MORC2: variants seen among roughly 807,000 people sequenced by gnomAD.
MORC2 encodes the protein MORC family CW-type zinc finger 2.
A neutral mutation model predicts 136.0 loss-of-function variants in MORC2; 30 were observed. That is an observed-to-expected ratio of 0.22 (90% confidence interval 0.17 to 0.30). The LOEUF is 0.30. MORC2 is among the 10% of genes least tolerant of loss of function. MORC2 has a pLI of 1.00. For synonymous variants in MORC2, 439 were observed against 487.0 expected (o/e 0.90, Z 1.30); for missense variants, 922 against 1,333.1 (o/e 0.69, Z 4.80).
chr22:30,944,461 C>G (rs1046764663), intron 6 of MORC2, among the ~76,000 whole-genome samples: 1 of 152,022 alleles, frequency 6.6e-6, no homozygotes, highest in East Asian at 1.9e-4. Context: ...GTCCCTCTGG[C>G]CCCCTTCTCC....
At position 30,937,736 on chromosome 22, in the gene MORC2, A is replaced by G. The variant is rs1312346663; in HGVS notation, c.1370-25T>C. ...GCTGGAAAGCAAACACCGATACATC[A>G]TGTTAGGAGCCAGCCTCTCTCTCTC... is the stretch of plus-strand genomic sequence containing the variant. On this transcript the variant is annotated intron_variant, in intron 14 of 25. Transcript: ENST00000397641. The surrounding 1 kb of genome is among the most constrained non-coding windows in gnomAD (Gnocchi z 4.7). 6 of 1,613,944 alleles carry G rather than the reference A, an allele frequency of 3.7e-6. No homozygotes were observed. Among genetic ancestry groups the G allele is most frequent in the Admixed American group, 3.3e-5 (2 of 59,994 alleles).
At chr22:30,927,009 T>C (rs781510532) in intron 25 of MORC2, 138 bp from the exon 26 acceptor site, 27 of 647,086 alleles carry the variant, frequency 4.2e-5, no homozygotes, top group Non-Finnish European at 7.4e-5. Flanking sequence ...ATGTCAGGCT[T>C]CTGTCCTGTC....
intron 4 of MORC2, 38 bp downstream of exon 4, chr22:30,950,339 A>AACACC: frequency 1.9e-6 from 1 of 539,974 alleles, no homozygotes. Flanking sequence ...GTTACATCGC[A>AACACC]CCCCCCCACC....
chr22:30,964,287 G>T (rs574053206), intron 1 of MORC2, among the ~76,000 whole-genome samples: 1 of 152,120 alleles, frequency 6.6e-6, no homozygotes, highest in Non-Finnish European at 1.5e-5. Flanking sequence ...AACCTGGGAG[G>T]TGGAGGTTGC....
chr22:30,927,796 C>CG (rs1363257561), intron 25 of MORC2, among the ~76,000 whole-genome samples: 5 of 152,180 alleles, frequency 3.3e-5, no homozygotes, highest in African/African-American at 1.2e-4. Context: ...GGTTGTACGT[C>CG]GGAATGTCTA....
intron 9 of MORC2, 66 bp from the exon 10 acceptor site, chr22:30,940,903 AG>A (rs2040734036): frequency 7.4e-7 from 1 of 1,343,966 alleles, no homozygotes; most frequent in Non-Finnish European, 1.1e-6. Flanking sequence ...ACCCAAGCAC[AG>A]GAAGCACCCT....
In MORC2 at chr22:30,967,500, T is replaced by C. The variant is rs1602521712; in HGVS notation, c.68+322A>G. ...GGTTGATACTAAAATAGTCCAACATTTGGCGATCCAATAGAGCAGTATTTG... is the reference window on the plus strand; with the variant it reads ...GGTTGATACTAAAATAGTCCAACATCTGGCGATCCAATAGAGCAGTATTTG... On this transcript the variant is annotated intron_variant, in intron 1 of 25. Coordinates refer to ENST00000397641, the MANE Select transcript of MORC2 (RefSeq NM_001303256.3). 4.5e-6 allele frequency: 5 copies of C among 1,102,760 alleles called. No individual in the cohort carries two copies. The East Asian group carries it at 2.1e-4, about 47-fold the overall frequency. 68.3% of individuals were successfully genotyped at this position (1,102,760 alleles called of 1,614,324 possible). A position where few individuals can be genotyped will look rare whatever the true frequency, so the allele number is the denominator to read the frequency against.
chr22:30,940,142 A>C, intron 10 of MORC2, 101 bp from the exon 11 acceptor site: 2 of 1,168,356 alleles, frequency 1.7e-6, no homozygotes, highest in Non-Finnish European at 2.5e-6. Flanking sequence ...GTACACCACC[A>C]AGGAAAAAAA....
chr22:30,953,490 G>C (rs2040921751), intron 3 of MORC2, among the ~76,000 whole-genome samples: 1 of 152,190 alleles, frequency 6.6e-6, no homozygotes, highest in African/African-American at 2.4e-5. Context: ...GAAAAGACAA[G>C]AGATGTCAAA....
chr22:30,953,113 C>T (rs1248716522), intron 3 of MORC2, among the ~76,000 whole-genome samples: 1 of 152,192 alleles, frequency 6.6e-6, no homozygotes, highest in African/African-American at 2.4e-5. Flanking sequence ...TCGAAGGCGT[C>T]CCTGCTCAAA....
intron 6 of MORC2, among the ~76,000 whole-genome samples, chr22:30,943,912 C>T (rs1042784811): frequency 1.3e-5 from 2 of 152,016 alleles, no homozygotes; most frequent in African/African-American, 4.8e-5. Flanking sequence ...TGGGACTAGG[C>T]GTACACTGCC....
At chr22:30,931,787 C>T (rs544223651) in intron 24 of MORC2, among the ~76,000 whole-genome samples, 8 of 152,380 alleles carry the variant, frequency 5.3e-5, no homozygotes, top group Admixed American at 1.3e-4. Flanking sequence ...TCCAGCTACC[C>T]GGTAACAACT....
intron 20 of MORC2, 25 bp from the exon 21 acceptor site, chr22:30,933,545 G>T (rs747446461): frequency 1.2e-6 from 2 of 1,612,216 alleles, no homozygotes; most frequent in Admixed American, 1.7e-5. Context: ...GTCTATTAGA[G>T]GCATCCCCAG....
intron 1 of MORC2, chr22:30,967,268 A>C: frequency 3.0e-6 from 3 of 986,524 alleles, no homozygotes; most frequent in Non-Finnish European, 3.6e-6. Flanking sequence ...ATCTAAATAG[A>C]GATATAAACA....
In MORC2 at chr22:30,932,393, G is replaced by A. The variant is rs2040588360; in HGVS notation, c.2807C>T (p.Ala936Val). ...AGATATTAGCTCATCTGAATTCATA[G>A]CACTCAGCTGCTTCTTGGAGATGGG... is the stretch of plus-strand genomic sequence containing the variant. ...SFPISKKQLSAMNSDELISFP... is the reference protein window; with the variant it reads ...SFPISKKQLSVMNSDELISFP... Residue 936 changes from alanine (A) to valine (V), a missense_variant, in exon 24 of 26, where the codon GCT (alanine) becomes GTT (valine). By Grantham distance (64) the Ala-to-Val change is moderately conservative. Transcript: ENST00000397641. The surrounding 1 kb of genome is among the most constrained non-coding windows in gnomAD (Gnocchi z 4.4). 2 of 1,614,100 alleles carry A rather than the reference G, an allele frequency of 1.2e-6. No individual in the cohort carries two copies. Among genetic ancestry groups the A allele is most frequent in the African/African-American group, 2.7e-5 (2 of 75,038 alleles).
intron 2 of MORC2, among the ~76,000 whole-genome samples, chr22:30,958,324 C>T (rs922571458): frequency 7.9e-5 from 12 of 152,166 alleles, no homozygotes; most frequent in Non-Finnish European, 1.5e-5. Context: ...AATATGATTC[C>T]TAAGTGTCTA....
At position 30,934,789 on chromosome 22, in the gene MORC2, G is replaced by A; in HGVS notation, c.2185C>T (p.Leu729Phe). ...VVKKTESPIK[L>F]SPATPSRKRS... Reference sequence around the variant, plus strand: ...GAGGACAAGCGTCTCACCGGGGAGAGTTTGATGGGTGACTCTGTCTTCTTC... The same window carrying A: ...GAGGACAAGCGTCTCACCGGGGAGAATTTGATGGGTGACTCTGTCTTCTTC... The change falls in exon 19 of 26, where the codon CTC (leucine) becomes TTC (phenylalanine). Residue 729 changes from leucine (L) to phenylalanine (F), a missense_variant. Physicochemically the swap from Leu to Phe is conservative, Grantham distance 22. Around this residue, in one of 9 missense-constraint regions of MORC2, gnomAD observed 184 missense variants for 180.3 expected, o/e 1.02. Transcript: ENST00000397641. This position sits in a 1 kb window ranked among gnomAD's most constrained non-coding sequence, Gnocchi z 4.4. The A allele has an allele frequency of 1.2e-6, 2 of 1,614,100 alleles. No homozygotes were observed. Among genetic ancestry groups the A allele is most frequent in the Non-Finnish European group, 1.7e-6 (2 of 1,179,954 alleles).
Position 30,967,970 on chromosome 22 carries a change from TC to T in MORC2, c.-82del. 1 of 1,270,492 alleles carries T rather than the reference TC, an allele frequency of 7.9e-7. No individual in the cohort carries two copies. The highest frequency in any genetic ancestry group is 1.1e-6 in the Non-Finnish European group (1 of 893,068). The allele number at this position is 1,270,492 out of a possible 1,614,324, so 78.7% of individuals were successfully genotyped here. On this transcript the variant is annotated 5_prime_UTR_variant, in exon 1 of 26. Coordinates refer to ENST00000397641, the MANE Select transcript of MORC2 (RefSeq NM_001303256.3). ...ATGATATCGATTTCCCAGGATTCTGTCCAGTAAAGCTTCAGTAAGTCTGTGC... is the reference window on the plus strand; with the variant it reads ...ATGATATCGATTTCCCAGGATTCTGTCAGTAAAGCTTCAGTAAGTCTGTGC...
rs1478891412 is a variant in MORC2, at chr22:30,936,526, C to T, written c.1722G>A (p.Lys574=). The stretch of plus-strand genomic sequence containing the variant: ...ACCCACGTACCTGAAGGGCCTCCAG[C>T]TTCTCCTGCTGCTGGCGAATTTTCT... ...LTEKIRQQQE[K]LEALQKTTPI... Residue 574 remains lysine (K), a synonymous_variant, in exon 17 of 26, where the codon AAG becomes AAA. Coordinates refer to ENST00000397641, the MANE Select transcript of MORC2 (RefSeq NM_001303256.3). 4.3e-6 allele frequency: 7 copies of T among 1,614,084 alleles called. No homozygotes were observed. Among genetic ancestry groups the T allele is most frequent in the Non-Finnish European group, 5.1e-6 (6 of 1,180,040 alleles).
Sources: gnomAD v4.1 joint callset for allele counts (sites outside exome capture counted in the v4.1 genomes callset) on GRCh38, gnomAD v4.1.1 for gene constraint, gnomAD v4.1.1 regional missense constraint, Gnocchi (gnomAD v3.1) non-coding constraint, MANE v1.5 for transcripts, NCBI Gene and HGNC (gene_info 2026-07-23, HGNC 2026-07-21) for gene names.